Variants in FANCI observed in about 807,000 individuals in gnomAD.
FANCI encodes Fanconi anemia group I protein.
FANCI carries 156 observed loss-of-function variants against 176.1 expected under a neutral mutation model. That is an observed-to-expected ratio of 0.89 (90% CI 0.78 to 1.01). The LOEUF (loss-of-function observed/expected upper bound fraction) is 1.01, where lower values mean the gene tolerates loss of function less well. Among genes scored for constraint, FANCI ranks in the 50% least tolerant of loss-of-function variants. FANCI has a pLI of 0.00. For synonymous variants in FANCI, 613 were observed against 541.7 expected, an observed-to-expected ratio of 1.13 and a Z score of -1.83; for missense variants, 1,678 against 1,534.1, an observed-to-expected ratio of 1.09 and a Z score of -1.57.
At position 89,284,849 on chromosome 15, in the gene FANCI, T is replaced by C. The variant is rs550274913; in HGVS notation, c.1699-247T>C. 1.7e-4 allele frequency among the ~76,000 whole-genome samples: 26 copies of C among 152,328 alleles called. No individual in the cohort carries two copies. In the East Asian group the frequency reaches 3.9e-3, roughly 23 times the overall value. On this transcript the variant is annotated intron_variant, in intron 17 of 37. Transcript: ENST00000310775. ...AGTGTACCTTCCTAAGCAATTGATA[T>C]TGTCAAGGAAACCTTAAGGAATATG...
intron 2 of FANCI, among the ~76,000 whole-genome samples, chr15:89,249,194 C>T (rs936020639): frequency 2.6e-5 from 4 of 152,120 alleles, no homozygotes; most frequent in East Asian, 1.9e-4. Flanking sequence ...GATAAAATGT[C>T]CCACAGAAGA....
Position 89,316,157 on chromosome 15 carries a change from T to TAAGTA in FANCI, c.3925-239_3925-235dup, listed in dbSNP as rs2055243459. On this transcript the variant is annotated intron_variant, in intron 37 of 37. Transcript: ENST00000310775. Reference sequence around the variant, plus strand: ...CTTCTTCTCTTGTCATTTTGTCCCATAAGTATCCTCAGTATAGCAAAAGTC... The same window carrying TAAGTA: ...CTTCTTCTCTTGTCATTTTGTCCCATAAGTAAAGTATCCTCAGTATAGCAAAAGTC... The TAAGTA allele has an allele frequency of 1.5e-5, 8 of 550,842 alleles. No homozygotes were observed. The South Asian group carries it at 1.7e-4, about 12-fold the overall frequency. 34.1% of individuals were successfully genotyped at this position (550,842 alleles called of 1,614,324 possible). A position where few individuals can be genotyped will look rare whatever the true frequency, so the allele number is the denominator to read the frequency against.
At chr15:89,278,613 T>C (rs774180791) in intron 13 of FANCI, 74 bp from the exon 14 acceptor site, 10 of 1,071,058 alleles carry the variant, frequency 9.3e-6, no homozygotes, top group Non-Finnish European at 1.3e-5. Flanking sequence ...TTCTTCATGC[T>C]GCCTGACATG....
At chr15:89,273,518 A>C (rs771609410) in intron 11 of FANCI, 49 bp downstream of exon 11, 14 of 967,482 alleles carry the variant, frequency 1.4e-5, no homozygotes, top group Admixed American at 1.4e-4. Context: ...TGGTAAAAAA[A>C]AAAAAAAAAA....
intron 2 of FANCI, among the ~76,000 whole-genome samples, chr15:89,252,331 C>G (rs1392848491): frequency 1.3e-5 from 2 of 151,792 alleles, no homozygotes; most frequent in South Asian, 2.1e-4. Context: ...TAAAACGTCT[C>G]TCTTTGTAGA....
chr15:89,294,703 G>A (rs2054187977), intron 23 of FANCI, among the ~76,000 whole-genome samples: 1 of 152,182 alleles, frequency 6.6e-6, no homozygotes, highest in Non-Finnish European at 1.5e-5. Context: ...GGGAGGGAGA[G>A]AAAATGAGGA....
Position 89,316,512 on chromosome 15 carries a change from A to G in FANCI, c.*53A>G. On this transcript the variant is annotated 3_prime_UTR_variant, in exon 38 of 38. Transcript: ENST00000310775. ...TGGGGCTTCTGCTTCATTTTTACCCAACAAGCAACAATGCCCCTTGTCCTG... is the reference window on the plus strand; with the variant it reads ...TGGGGCTTCTGCTTCATTTTTACCCGACAAGCAACAATGCCCCTTGTCCTG... The G allele has an allele frequency of 7.1e-6, 11 of 1,542,258 alleles. No homozygotes were observed. The highest frequency in any genetic ancestry group is 9.7e-6 in the Non-Finnish European group (11 of 1,129,664).
intron 1 of FANCI, among the ~76,000 whole-genome samples, chr15:89,246,802 G>T (rs1281376976): frequency 1.7e-5 from 2 of 116,134 alleles, no homozygotes; most frequent in South Asian, 2.7e-4. Flanking sequence ...GCCTCGCTCT[G>T]TCGCCCAGGC....
intron 29 of FANCI, 40 bp from the exon 30 acceptor site, chr15:89,305,301 C>G (rs371554205): frequency 1.9e-6 from 3 of 1,614,150 alleles, no homozygotes; most frequent in Non-Finnish European, 1.7e-6. Flanking sequence ...AAGGGAACAA[C>G]CTTACTGTCA....
chr15:89,255,151 C>G (rs1184694381), intron 2 of FANCI, among the ~76,000 whole-genome samples: 1 of 152,162 alleles, frequency 6.6e-6, no homozygotes, highest in African/African-American at 2.4e-5. Context: ...CTCTGTTGAT[C>G]ATGATAGCCC....
At chr15:89,253,764 T>TC in intron 2 of FANCI, among the ~76,000 whole-genome samples, 2 of 117,214 alleles carry the variant, frequency 1.7e-5, no homozygotes, top group Middle Eastern at 0.013. Flanking sequence ...AGGATTAATA[T>TC]CCCTAATTCA....
chr15:89,255,502 A>G (rs939854858), intron 2 of FANCI, among the ~76,000 whole-genome samples: 3 of 152,104 alleles, frequency 2.0e-5, no homozygotes, highest in African/African-American at 4.8e-5. Flanking sequence ...ATAAAGTGGG[A>G]TCAGAATATC....
intron 36 of FANCI, 142 bp downstream of exon 36, chr15:89,314,849 CT>C (rs1491292697): frequency 1.2e-3 from 491 of 397,284 alleles, no homozygotes; most frequent in Non-Finnish European, 1.4e-3. Context: ...CCCCCCCCCC[CT>C]TTTTTTTTTT....
At chr15:89,312,649 G>A (rs572803297) in intron 34 of FANCI, among the ~76,000 whole-genome samples, 6 of 152,096 alleles carry the variant, frequency 3.9e-5, no homozygotes, top group East Asian at 3.9e-4. Context: ...GCAAAACACC[G>A]TCTCTACTAA....
At position 89,290,462 on chromosome 15, in the gene FANCI, C is replaced by G; in HGVS notation, c.1890+181C>G. On this transcript the variant is annotated intron_variant, in intron 19 of 37. Coordinates refer to ENST00000310775, the MANE Select transcript of FANCI (RefSeq NM_001113378.2). ...CTTATCTCGGTCACCACTTACCTGT[C>G]TGCCATAATACCATCATCTAGCAGT... 4.9e-6 allele frequency: 3 copies of G among 614,000 alleles called. No individual in the cohort carries two copies. In the South Asian group the frequency reaches 5.5e-5, roughly 11 times the overall value. 38.0% of individuals were successfully genotyped at this position (614,000 alleles called of 1,614,324 possible).
chr15:89,262,238 C>A (rs2052742786), intron 6 of FANCI, among the ~76,000 whole-genome samples: 1 of 151,442 alleles, frequency 6.6e-6, no homozygotes, highest in African/African-American at 2.4e-5. Context: ...TGCATCTTTT[C>A]TTTTTTTCTT....
chr15:89,266,650 A>T (rs1446010138), intron 9 of FANCI, among the ~76,000 whole-genome samples: 3 of 137,532 alleles, frequency 2.2e-5, no homozygotes, highest in African/African-American at 5.5e-5. Flanking sequence ...AATTTTAAAA[A>T]TTTTTTCTAG....
chr15:89,244,113 G>A lies in FANCI; in HGVS notation c.-20+80G>A, dbSNP rs3743382. 2.7e-3 allele frequency: 411 copies of A among 152,598 alleles called. 8 individuals are homozygous for A. The highest frequency in any genetic ancestry group is 0.014 in the East Asian group (75 of 5,182). The allele number at this position is 152,598 out of a possible 1,614,324, so 9.5% of individuals were successfully genotyped here. A position where few individuals can be genotyped will look rare whatever the true frequency, so the allele number is the denominator to read the frequency against. The stretch of plus-strand genomic sequence containing the variant: ...GGCCCCTGGGAGGGAGCGGTTCTGT[G>A]GGGGAAAGGAGGCTCCTGTCCTGAC... On this transcript the variant is annotated intron_variant, in intron 1 of 37. Transcript: ENST00000310775.
In FANCI at chr15:89,268,687, G is replaced by A. The variant is rs1045973130; in HGVS notation, c.882+162G>A. On this transcript the variant is annotated intron_variant, in intron 10 of 37. Coordinates refer to ENST00000310775, the MANE Select transcript of FANCI (RefSeq NM_001113378.2). ...TTTACTTTAAAAGTGGAAAATACAT[G>A]ATGTTACCACACTCCCTTTTTTTTA... 1.5e-5 allele frequency: 12 copies of A among 786,250 alleles called. No individual in the cohort carries two copies. In the African/African-American group the frequency reaches 2.1e-4, roughly 14 times the overall value. 48.7% of individuals were successfully genotyped at this position (786,250 alleles called of 1,614,324 possible).
Sources: allele counts gnomAD v4.1 joint callset (sites outside exome capture counted in the v4.1 genomes callset), GRCh38; gene constraint gnomAD v4.1.1; transcripts MANE v1.5; gene names NCBI Gene and HGNC (gene_info 2026-07-23, HGNC 2026-07-21).